The following EDA variants were observed in gnomAD, a reference collection of about 807,000 sequenced individuals.
EDA encodes the protein ectodysplasin A, also known as ectodysplasin-A.
A neutral mutation model predicts 23.6 loss-of-function variants in EDA; 2 were observed. The observed-to-expected ratio is 0.08, with a 90% CI of 0.03 to 0.27. EDA has a LOEUF of 0.27. Ranked by LOEUF, EDA falls within the 10% of genes least tolerant of loss-of-function variation. The pLI is 1.00. For synonymous variants in EDA, 131 were observed against 132.0 expected (o/e 0.99, Z 0.05); for missense variants, 229 against 324.2 (o/e 0.71, Z 2.26).
At chrX:69,786,288 C>A (rs941439249) in intron 1 of EDA, among the ~76,000 whole-genome samples, 1 of 110,473 alleles carries the variant, frequency 9.1e-6, no homozygotes, top group Non-Finnish European at 1.9e-5. Context: ...GTCTCTATTT[C>A]CTTCAGTTCT....
At position 69,725,181 on chromosome X, in the gene EDA, C is replaced by T. The variant is rs186344317; in HGVS notation, c.396+108477C>T. Among the ~76,000 whole-genome samples, 44 of 111,660 alleles carry T rather than the reference C, an allele frequency of 3.9e-4. 1 individual carries two copies. In the Admixed American group the frequency reaches 4.2e-3, roughly 11 times the overall value. ...GGGAATGCGATTATTTATTAACTGC[C>T]TTGACAAAAACTTTTAGACAGAGAC... is the stretch of plus-strand genomic sequence containing the variant. On this transcript the variant is annotated intron_variant, in intron 1 of 7. Coordinates refer to ENST00000374552, the MANE Select transcript of EDA (RefSeq NM_001399.5).
chrX:69,660,222 A>T (rs1933442041), intron 1 of EDA, among the ~76,000 whole-genome samples: 1 of 111,656 alleles, frequency 9.0e-6, no homozygotes, highest in African/African-American at 3.3e-5. Context: ...TTAGGTATTA[A>T]ATCATGTCTT....
chrX:69,939,100 C>T (rs1335276082), intron 1 of EDA, among the ~76,000 whole-genome samples: 1 of 111,593 alleles, frequency 9.0e-6, no homozygotes, highest in Non-Finnish European at 1.9e-5. Context: ...GTTCCATATA[C>T]ATTTTAGAAT....
intron 2 of EDA, among the ~76,000 whole-genome samples, chrX:69,958,582 A>C (rs2019053873): frequency 9.1e-6 from 1 of 110,358 alleles, no homozygotes; most frequent in Non-Finnish European, 1.9e-5. Flanking sequence ...AGGTGGCAGC[A>C]GCATTGAGCC....
intron 2 of EDA, among the ~76,000 whole-genome samples, chrX:69,979,769 A>G (rs928439290): frequency 9.0e-6 from 1 of 111,597 alleles, no homozygotes. Context: ...TTATTTATAT[A>G]TTCTGGATCC....
At chrX:69,989,396 C>T (rs1281677806) in intron 2 of EDA, among the ~76,000 whole-genome samples, 1 of 111,450 alleles carries the variant, frequency 9.0e-6, no homozygotes, top group Non-Finnish European at 1.9e-5. Context: ...TTGGCCCTCA[C>T]ATTATACCTC....
chrX:69,960,131 T>C (rs1194450820), intron 2 of EDA, among the ~76,000 whole-genome samples: 2 of 111,283 alleles, frequency 1.8e-5, no homozygotes, highest in African/African-American at 6.5e-5. Context: ...GCTGCTGTAT[T>C]GAAAATAGGT....
intron 2 of EDA, among the ~76,000 whole-genome samples, chrX:70,016,045 G>GAAAA (rs369409357): frequency 1.1e-5 from 1 of 87,198 alleles, no homozygotes; most frequent in African/African-American, 4.2e-5. Context: ...AATGGAGAAA[G>GAAAA]AAAAAAAAAA....
chrX:69,616,225 A>C lies in EDA; in HGVS notation c.-84A>C. 3 of 1,087,355 alleles carry C rather than the reference A, an allele frequency of 2.8e-6. No individual in the cohort carries two copies. Among genetic ancestry groups the C allele is most frequent in the Non-Finnish European group, 3.7e-6 (3 of 816,070 alleles). 89.6% of individuals were successfully genotyped at this position (1,087,355 alleles called of 1,213,427 possible). On this transcript the variant is annotated 5_prime_UTR_variant, in exon 1 of 8. Coordinates refer to ENST00000374552, the MANE Select transcript of EDA (RefSeq NM_001399.5). ...TGCAGCCCCCAGCCGATGGCAGGAC[A>C]GTAGCCGCCTGTCAGAGGTCGTGAA... is the stretch of plus-strand genomic sequence containing the variant.
rs866880515 is a variant in EDA, at chrX:69,827,714, A to T, written c.397-129313A>T. 2.4e-4 allele frequency among the ~76,000 whole-genome samples: 27 copies of T among 112,216 alleles called. No homozygotes were observed. In the East Asian group the frequency reaches 3.6e-3, roughly 15 times the overall value. On this transcript the variant is annotated intron_variant, in intron 1 of 7. Transcript: ENST00000374552. ...TTCTCTCAGCTCGTCAAAGTCATTCAACGTCCAGCTTTGTTCCATTGCTAG... is the reference window on the plus strand; with the variant it reads ...TTCTCTCAGCTCGTCAAAGTCATTCTACGTCCAGCTTTGTTCCATTGCTAG...
chrX:69,732,952 A>T (rs1371581909), intron 1 of EDA, among the ~76,000 whole-genome samples: 3 of 109,071 alleles, frequency 2.8e-5, no homozygotes, highest in Non-Finnish European at 5.7e-5. Flanking sequence ...GGGTTGTTTG[A>T]TTTTTTCTTG....
At chrX:69,953,956 G>T (rs2018963807) in intron 1 of EDA, among the ~76,000 whole-genome samples, 2 of 111,707 alleles carry the variant, frequency 1.8e-5, no homozygotes, top group African/African-American at 6.5e-5. Context: ...TTTGTCTTGA[G>T]TTTGGTGGTA....
At chrX:69,762,088 G>C (rs1275520085) in intron 1 of EDA, among the ~76,000 whole-genome samples, 1 of 111,429 alleles carries the variant, frequency 9.0e-6, no homozygotes, top group Non-Finnish European at 1.9e-5. Context: ...AGAAAAGTGA[G>C]GTATCAGTAT....
At chrX:69,619,490 G>A in intron 1 of EDA, among the ~76,000 whole-genome samples, 1 of 112,460 alleles carries the variant, frequency 8.9e-6, no homozygotes, top group East Asian at 2.8e-4. Context: ...ACACAAGGAA[G>A]TTAGGGCAGG....
intron 2 of EDA, among the ~76,000 whole-genome samples, chrX:69,977,465 T>C (rs1390255754): frequency 1.8e-5 from 2 of 112,017 alleles, no homozygotes; most frequent in Admixed American, 1.9e-4. Context: ...TAAATCTACA[T>C]GGTCAGAAAA....
intron 1 of EDA, among the ~76,000 whole-genome samples, chrX:69,793,616 C>T (rs145174976): frequency 0.08 from 7,203 of 90,110 alleles, 245 homozygotes; most frequent in Middle Eastern, 0.11. Context: ...ATAAGGCCAA[C>T]CAAATAAGCA....
intron 1 of EDA, among the ~76,000 whole-genome samples, chrX:69,650,509 G>A (rs1221294501): frequency 1.8e-5 from 2 of 111,531 alleles, no homozygotes; most frequent in East Asian, 5.7e-4. Flanking sequence ...GTGTTTGATA[G>A]CACAATAGAG....
At chrX:69,842,154 C>T (rs964386018) in intron 1 of EDA, among the ~76,000 whole-genome samples, 4 of 111,383 alleles carry the variant, frequency 3.6e-5, no homozygotes, top group Middle Eastern at 4.6e-3. Flanking sequence ...ACCTAAGTTC[C>T]GCCTTCTATC....
intron 1 of EDA, among the ~76,000 whole-genome samples, chrX:69,680,171 C>A (rs200318044): frequency 0.071 from 7,299 of 102,369 alleles, 908 homozygotes; most frequent in East Asian, 0.68. Flanking sequence ...TTTGATTGCA[C>A]TGTGGTCTGA....
Sources: gnomAD v4.1 joint callset for allele counts (sites outside exome capture counted in the v4.1 genomes callset) on GRCh38, gnomAD v4.1.1 for gene constraint, MANE v1.5 for transcripts, NCBI Gene and HGNC (gene_info 2026-07-23, HGNC 2026-07-21) for gene names.